Variants in ADARB2 observed in about 807,000 individuals in gnomAD.
The protein encoded by ADARB2 is adenosine deaminase RNA specific B2 (inactive).
ADARB2 carries 25 observed loss-of-function variants against 62.2 expected under a neutral mutation model. The observed-to-expected ratio is 0.40, with a 90% confidence interval of 0.29 to 0.56. The LOEUF is 0.56. ADARB2 is among the 20% of genes least tolerant of loss of function. The probability of loss-of-function intolerance (pLI) is 0.43; values close to 1 mark genes in which losing one functional copy is unlikely to be tolerated. For synonymous variants in ADARB2, 572 were observed against 500.8 expected, an observed-to-expected ratio of 1.14 and a Z score of -1.90; for missense variants, 1,071 against 1,077.4, an observed-to-expected ratio of 0.99 and a Z score of 0.08.
intron 1 of ADARB2, among the ~76,000 whole-genome samples, chr10:1,653,568 C>T (rs114324639): frequency 1.0e-5 from 1 of 99,126 alleles, no homozygotes; most frequent in Non-Finnish European, 2.1e-5. Context: ...AGTCTCCACC[C>T]CACGCCTCAT....
At position 1,300,814 on chromosome 10, in the gene ADARB2, T is replaced by C. The variant is rs185322379; in HGVS notation, c.1078-29745A>G. ...AGGCTTGTTTTTCTCATCCATGAGA[T>C]ATTACAACCCCACTTGTTCTTTCAC... On this transcript the variant is annotated intron_variant, in intron 3 of 9. Coordinates refer to ENST00000381312, the MANE Select transcript of ADARB2 (RefSeq NM_018702.4). 2.6e-5 allele frequency among the ~76,000 whole-genome samples: 4 copies of C among 152,332 alleles called. No homozygotes were observed. The East Asian group carries it at 7.7e-4, about 29-fold the overall frequency.
chr10:1,425,093 G>A (rs190423026), intron 1 of ADARB2, among the ~76,000 whole-genome samples: 119 of 152,288 alleles, frequency 7.8e-4, no homozygotes, highest in African/African-American at 2.7e-3. Context: ...AAGAGAAGGG[G>A]GTGGTCAGAA....
At chr10:1,340,778 CA>C (rs1832017663) in intron 3 of ADARB2, among the ~76,000 whole-genome samples, 8 of 142,298 alleles carry the variant, frequency 5.6e-5, no homozygotes, top group African/African-American at 1.9e-4. Context: ...CGGCGATAAC[CA>C]GCATCCACCA....
intron 1 of ADARB2, among the ~76,000 whole-genome samples, chr10:1,639,251 A>T (rs1458992112): frequency 2.0e-5 from 3 of 152,094 alleles, no homozygotes; most frequent in African/African-American, 7.2e-5. Context: ...CGCATCCAGG[A>T]GGTTGACCGC....
intron 1 of ADARB2, among the ~76,000 whole-genome samples, chr10:1,482,568 A>G (rs1456306950): frequency 6.6e-6 from 1 of 152,230 alleles, no homozygotes; most frequent in Non-Finnish European, 1.5e-5. Context: ...AGTTTGGAAG[A>G]TGAAATGGTT....
At chr10:1,364,022 G>A in intron 2 of ADARB2, 105 bp from the exon 3 acceptor site, 7 of 1,364,136 alleles carry the variant, frequency 5.1e-6, no homozygotes, top group Non-Finnish European at 6.6e-6. Context: ...CTCGCCGCCC[G>A]CGCCCCCAGG....
intron 1 of ADARB2, among the ~76,000 whole-genome samples, chr10:1,580,589 C>T (rs1270156318): frequency 6.6e-6 from 1 of 151,804 alleles, no homozygotes; most frequent in African/African-American, 2.4e-5. Context: ...TGTACCTCCT[C>T]CCCACAAATG....
chr10:1,451,978 G>A (rs1831045715), intron 1 of ADARB2, among the ~76,000 whole-genome samples: 1 of 152,204 alleles, frequency 6.6e-6, no homozygotes, highest in Non-Finnish European at 1.5e-5. Context: ...ACATCTCAGT[G>A]GCTTGTTAAA....
intron 1 of ADARB2, among the ~76,000 whole-genome samples, chr10:1,412,899 A>T (rs12259020): frequency 0.19 from 28,220 of 152,256 alleles, 3,208 homozygotes; most frequent in East Asian, 0.45. Context: ...TTGTGACTTT[A>T]ACGTAGGTTC....
intron 1 of ADARB2, among the ~76,000 whole-genome samples, chr10:1,461,304 T>C (rs1831171652): frequency 6.6e-6 from 1 of 152,224 alleles, no homozygotes; most frequent in Non-Finnish European, 1.5e-5. Context: ...TGTCCTATTG[T>C]CTTCATCAGA....
intron 1 of ADARB2, among the ~76,000 whole-genome samples, chr10:1,692,279 T>C (rs7915178): frequency 0.51 from 77,826 of 152,084 alleles, 20,042 homozygotes; most frequent in South Asian, 0.56. Context: ...ATTGGTTTAA[T>C]TTGTGCAGGA....
At chr10:1,328,013 T>TCAGCATCTCCTCACAGCACAGCACCTC (rs1172667059) in intron 3 of ADARB2, among the ~76,000 whole-genome samples, 1 of 58,672 alleles carries the variant, frequency 1.7e-5, no homozygotes, top group Admixed American at 1.5e-4. Context: ...GCCTCCGCAT[T>TCAGCATCTCCTCACAGCACAGCACCTC]CTGGGGGCAC....
chr10:1,324,507 G>A (rs1285407945), intron 3 of ADARB2, among the ~76,000 whole-genome samples: 3 of 152,170 alleles, frequency 2.0e-5, no homozygotes, highest in Non-Finnish European at 2.9e-5. Context: ...ACAGGTTAAT[G>A]CTTAGACGAA....
intron 7 of ADARB2, among the ~76,000 whole-genome samples, chr10:1,205,762 G>A (rs944527772): frequency 5.3e-5 from 8 of 152,274 alleles, no homozygotes; most frequent in East Asian, 1.9e-4. Flanking sequence ...GATTCCTGTC[G>A]TGGGCCAGCG....
rs533790717 is a variant in ADARB2, at chr10:1,719,179, G to C, written c.100+17872C>G. On this transcript the variant is annotated intron_variant, in intron 1 of 9. Coordinates refer to ENST00000381312, the MANE Select transcript of ADARB2 (RefSeq NM_018702.4). ...GGGTTTCACCATGTTGGCCAGGCTG[G>C]TCTTGAACTCCTGACCTCAGGTGAT... 4.1e-4 allele frequency among the ~76,000 whole-genome samples: 62 copies of C among 152,198 alleles called. 1 individual carries two copies. The highest frequency in any genetic ancestry group is 1.9e-3 in the Admixed American group (29 of 15,282).
chr10:1,642,602 G>T (rs4880897), intron 1 of ADARB2, among the ~76,000 whole-genome samples: 75,100 of 152,076 alleles, frequency 0.49, 20,772 homozygotes, highest in East Asian at 0.69. Flanking sequence ...TAAAGAAGGA[G>T]CTACTAGAGT....
chr10:1,544,263 G>A (rs932063062), intron 1 of ADARB2, among the ~76,000 whole-genome samples: 2 of 152,210 alleles, frequency 1.3e-5, no homozygotes, highest in African/African-American at 4.8e-5. Context: ...AGTTTCCAGG[G>A]GCACTGGCTG....
chr10:1,546,742 C>T (rs1197400624), intron 1 of ADARB2, among the ~76,000 whole-genome samples: 1 of 152,252 alleles, frequency 6.6e-6, no homozygotes, highest in Non-Finnish European at 1.5e-5. Flanking sequence ...GAAAACAACG[C>T]TGGGAGGTCG....
intron 4 of ADARB2, among the ~76,000 whole-genome samples, chr10:1,265,746 AG>A (rs1831191287): frequency 2.3e-5 from 3 of 132,080 alleles, no homozygotes; most frequent in Admixed American, 7.5e-5. Context: ...ACGGCCTGAG[AG>A]GGGGGCCCAG....
Sources: allele counts gnomAD v4.1 joint callset (sites outside exome capture counted in the v4.1 genomes callset), GRCh38; gene constraint gnomAD v4.1.1; transcripts MANE v1.5; gene names NCBI Gene and HGNC (gene_info 2026-07-23, HGNC 2026-07-21).